CMTM4: variants seen among roughly 807,000 people sequenced by gnomAD.
The protein encoded by CMTM4 is CKLF like MARVEL transmembrane domain containing 4.
In CMTM4, 8 loss-of-function variants were observed where a neutral mutation model predicts 19.0. The observed-to-expected ratio is 0.42, with a 90% confidence interval of 0.25 to 0.76. The LOEUF (loss-of-function observed/expected upper bound fraction) is 0.76, where lower values mean the gene tolerates loss of function less well. Ranked by LOEUF, CMTM4 falls within the 30% of genes least tolerant of loss-of-function variation. CMTM4 has a pLI of 0.27. For synonymous variants in CMTM4, 106 were observed against 121.1 expected, an observed-to-expected ratio of 0.88 and a Z score of 0.82; for missense variants, 228 against 290.2, an observed-to-expected ratio of 0.79 and a Z score of 1.56.
At chr16:66,640,689 C>A (rs2067023832) in intron 1 of CMTM4, among the ~76,000 whole-genome samples, 1 of 152,154 alleles carries the variant, frequency 6.6e-6, no homozygotes. Flanking sequence ...ATAGGGCTGA[C>A]CTATTACCTT....
At chr16:66,608,495 GC>G in the CMTM4 span, 1 of 1,610,210 alleles carries the variant, frequency 6.2e-7, no homozygotes. This position sits in a 1 kb window ranked among gnomAD's most constrained non-coding sequence, Gnocchi z 5.1. Context: ...AGGGAGGGGT[GC>G]CCTGCACAAA....
intron 2 of CMTM4, among the ~76,000 whole-genome samples, chr16:66,624,804 T>A (rs187627420): frequency 3.9e-5 from 6 of 152,312 alleles, no homozygotes; most frequent in Non-Finnish European, 8.8e-5. Flanking sequence ...GAGACAATGC[T>A]GGCATCATAA....
At chr16:66,641,234 G>T (rs2016093122) in intron 1 of CMTM4, among the ~76,000 whole-genome samples, 1 of 152,052 alleles carries the variant, frequency 6.6e-6, no homozygotes, top group Non-Finnish European at 1.5e-5. Flanking sequence ...TAGAGACAGG[G>T]TCTCACACAG....
At chr16:66,628,366 C>T (rs899359508) in intron 2 of CMTM4, among the ~76,000 whole-genome samples, 10 of 152,224 alleles carry the variant, frequency 6.6e-5, no homozygotes, top group African/African-American at 2.4e-4. Context: ...GTATTTCAGA[C>T]TATCTCACGG....
chr16:66,610,509 G>A (rs943174559), downstream of CMTM4, among the ~76,000 whole-genome samples: 4 of 152,178 alleles, frequency 2.6e-5, no homozygotes. This position sits in a 1 kb window ranked among gnomAD's most constrained non-coding sequence, Gnocchi z 4.6. Context: ...ATAGAGGGAG[G>A]GATACAGTAG....
rs1049586124 is a variant in CMTM4, at chr16:66,620,146, G to A, written c.*1912C>T. 1.0e-6 allele frequency: 1 copy of A among 985,332 alleles called. No homozygotes were observed. Among genetic ancestry groups the A allele is most frequent in the Non-Finnish European group, 1.2e-6 (1 of 829,942 alleles). The allele number at this position is 985,332 out of a possible 1,614,324, so 61.0% of individuals were successfully genotyped here. A position where few individuals can be genotyped will look rare whatever the true frequency, so the allele number is the denominator to read the frequency against. ...ACATGATTCCCAGCAGGAGATTTCT[G>A]ATAAAGCTCAGGATGGTCCTTCCAA... On this transcript the variant is annotated 3_prime_UTR_variant, in exon 4 of 4. Coordinates refer to ENST00000394106, the MANE Select transcript of CMTM4 (RefSeq NM_181521.3).
intron 1 of CMTM4, among the ~76,000 whole-genome samples, chr16:66,680,537 G>T (rs188544586): frequency 3.6e-4 from 54 of 151,438 alleles, no homozygotes; most frequent in African/African-American, 1.2e-3. Context: ...CGCTTCGGGA[G>T]GCCAAGGCGG....
intron 2 of CMTM4, among the ~76,000 whole-genome samples, chr16:66,629,645 T>TGGTA (rs1316978068): frequency 2.0e-5 from 3 of 152,080 alleles, no homozygotes; most frequent in Non-Finnish European, 4.4e-5. Flanking sequence ...GGGAAGAGGG[T>TGGTA]GGTAGACAGT....
intron 1 of CMTM4, among the ~76,000 whole-genome samples, chr16:66,691,000 C>T (rs1345703818): frequency 6.6e-6 from 1 of 152,100 alleles, no homozygotes; most frequent in Non-Finnish European, 1.5e-5. Flanking sequence ...GCCTGTAGTC[C>T]TGGCTATTCA....
At chr16:66,612,688 C>A (rs3743719), downstream of CMTM4, 1 of 1,588,482 alleles carries the variant, frequency 6.3e-7, no homozygotes, top group Non-Finnish European at 8.6e-7. The surrounding 1 kb of genome is among the most constrained non-coding windows in gnomAD (Gnocchi z 6.0). Flanking sequence ...TCCACCCCTG[C>A]GCCTCACAGG....
At chr16:66,608,791 G>T in the CMTM4 span, among the ~76,000 whole-genome samples, 2 of 152,206 alleles carry the variant, frequency 1.3e-5, no homozygotes, top group Non-Finnish European at 2.9e-5. This position sits in a 1 kb window ranked among gnomAD's most constrained non-coding sequence, Gnocchi z 5.1. Flanking sequence ...ATTTCCACGT[G>T]GGCAGGACAG....
Position 66,618,745 on chromosome 16 carries a change from G to A in CMTM4, c.*3313C>T, listed in dbSNP as rs1596897629. On this transcript the variant is annotated 3_prime_UTR_variant, in exon 4 of 4. Transcript: ENST00000394106. ...AGATGTAACTGCAAACTTGAAGAGA[G>A]TCAGAATGTTTTCAACTGAGTCACG... The A allele has an allele frequency of 1.0e-6, 1 of 985,524 alleles. No homozygotes were observed. The allele number at this position is 985,524 out of a possible 1,614,324, so 61.0% of individuals were successfully genotyped here.
intron 1 of CMTM4, among the ~76,000 whole-genome samples, chr16:66,672,419 A>C (rs1397139265): frequency 1.8e-5 from 2 of 110,482 alleles, no homozygotes; most frequent in East Asian, 3.8e-4. Flanking sequence ...ACTACGTCTC[A>C]AAAAAAAAAA....
rs1465008396 is a variant in CMTM4, at chr16:66,696,202, C to T, written c.186+138G>A. 2 of 541,146 alleles carry T rather than the reference C, an allele frequency of 3.7e-6. No individual in the cohort carries two copies. The highest frequency in any genetic ancestry group is 7.0e-5 in the South Asian group (1 of 14,294). 33.5% of individuals were successfully genotyped at this position (541,146 alleles called of 1,614,324 possible). ...GAAGGCTGCAGAGTGGTCCCGGGAC[C>T]CCACGAGGGAGAGGGGGCGCGAGGA... On this transcript the variant is annotated intron_variant, in intron 1 of 3. Coordinates refer to ENST00000394106, the MANE Select transcript of CMTM4 (RefSeq NM_181521.3). The surrounding 1 kb of genome is among the most constrained non-coding windows in gnomAD (Gnocchi z 4.3).
chr16:66,649,279 CA>C (rs2016264941), intron 1 of CMTM4, among the ~76,000 whole-genome samples: 1 of 151,086 alleles, frequency 6.6e-6, no homozygotes, highest in African/African-American at 2.4e-5. Flanking sequence ...TTTAAAAGTC[CA>C]TTTTTTTTTT....
At chr16:66,628,965 AT>A (rs915396271) in intron 2 of CMTM4, among the ~76,000 whole-genome samples, 2 of 151,838 alleles carry the variant, frequency 1.3e-5, no homozygotes, top group Non-Finnish European at 2.9e-5. Context: ...TCATCAGATG[AT>A]TTTTTTTAAA....
downstream of CMTM4, chr16:66,613,172 T>C (rs376544913): frequency 3.4e-5 from 24 of 701,960 alleles, no homozygotes; most frequent in East Asian, 1.3e-4. Context: ...CTCTTCATTC[T>C]TGAAGCAGGG....
At chr16:66,644,049 C>T (rs764724127) in intron 1 of CMTM4, among the ~76,000 whole-genome samples, 9 of 152,320 alleles carry the variant, frequency 5.9e-5, no homozygotes, top group South Asian at 4.1e-4. Flanking sequence ...CCACCGCCCC[C>T]GGCCAACAGC....
chr16:66,643,470 T>C (rs2016133230), intron 1 of CMTM4, among the ~76,000 whole-genome samples: 2 of 152,060 alleles, frequency 1.3e-5, no homozygotes, highest in African/African-American at 4.8e-5. Flanking sequence ...AGAGGAGAAA[T>C]AGGGTTTGAA....
Sources: gnomAD v4.1 joint callset for allele counts (sites outside exome capture counted in the v4.1 genomes callset) on GRCh38, gnomAD v4.1.1 for gene constraint, Gnocchi (gnomAD v3.1) non-coding constraint, MANE v1.5 for transcripts, NCBI Gene and HGNC (gene_info 2026-07-23, HGNC 2026-07-21) for gene names.